MSI1: variants seen among roughly 807,000 people sequenced by gnomAD.
MSI1 encodes RNA-binding protein Musashi homolog 1.
In MSI1, 15 loss-of-function variants were observed where a neutral mutation model predicts 54.4. That is an observed-to-expected ratio of 0.28 (90% CI 0.18 to 0.42). The LOEUF (loss-of-function observed/expected upper bound fraction) is 0.42. Ranked by LOEUF, MSI1 falls within the 20% of genes least tolerant of loss-of-function variation. The pLI, the probability that MSI1 is intolerant of heterozygous loss-of-function variation, is 1.00. For synonymous variants in MSI1, 200 were observed against 196.5 expected (o/e 1.02, Z -0.15); for missense variants, 304 against 506.0 (o/e 0.60, Z 3.83).
In MSI1 at chr12:120,359,046, T is replaced by G; in HGVS notation, c.410A>C (p.Asp137Ala). ...QYFEQFGKVD[D>A]AMLMFDKTTN... Reference sequence around the variant, plus strand: ...GGTTTTGTCAAACATCAGCATGGCGTCGTCCACCTGAAACACAGCCCGCCA... The same window carrying G: ...GGTTTTGTCAAACATCAGCATGGCGGCGTCCACCTGAAACACAGCCCGCCA... The change falls in exon 7 of 15, where the codon GAC becomes GCC. Residue 137 changes from aspartate (D) to alanine (A), a missense_variant. Asp to Ala is a moderately radical substitution (Grantham distance 126). Transcript: ENST00000257552. 6.4e-7 allele frequency: 1 copy of G among 1,557,356 alleles called. No homozygotes were observed. The highest frequency in any genetic ancestry group is 8.7e-7 in the Non-Finnish European group (1 of 1,150,148).
chr12:120,361,650 CG>C (rs1875653940), intron 6 of MSI1: 1 of 151,250 alleles, frequency 6.6e-6, no homozygotes, highest in Non-Finnish European at 1.5e-5. Context: ...CCAAGTTCGG[CG>C]GCCGCTAAGC....
chr12:120,363,819 T>C (rs912224748), intron 5 of MSI1, among the ~76,000 whole-genome samples: 2 of 152,118 alleles, frequency 1.3e-5, no homozygotes, highest in South Asian at 4.2e-4. Flanking sequence ...CTCCCAAAAC[T>C]CTTCCTCTCC....
intron 5 of MSI1, among the ~76,000 whole-genome samples, chr12:120,363,556 A>G (rs1749768770): frequency 1.4e-5 from 2 of 145,670 alleles, no homozygotes; most frequent in Admixed American, 6.8e-5. Context: ...TCCCAACACA[A>G]CCTCTGGCAG....
chr12:120,340,706 GT>G (rs562076960), downstream of MSI1, among the ~76,000 whole-genome samples: 707 of 151,590 alleles, frequency 4.7e-3, 4 homozygotes, highest in Non-Finnish European at 8.1e-3. Context: ...ATAGATGAAG[GT>G]CTCACTAAGT....
intron 14 of MSI1, among the ~76,000 whole-genome samples, chr12:120,344,959 G>A (rs186132967): frequency 1.3e-3 from 188 of 148,856 alleles, no homozygotes; most frequent in African/African-American, 4.4e-3. Context: ...AGTTTGCAGT[G>A]AGCCAAGATT....
In MSI1 at chr12:120,368,720, C is replaced by T; in HGVS notation, c.100+113G>A. ...TCCGGGCGGGGCGCGAAAGAGGGCG[C>T]GAGGGCGCCCGGGGTCAGCAGGGCG... On this transcript the variant is annotated intron_variant, in intron 2 of 14. Coordinates refer to ENST00000257552, the MANE Select transcript of MSI1 (RefSeq NM_002442.4). The surrounding 1 kb of genome is among the most constrained non-coding windows in gnomAD (Gnocchi z 6.6). 1 of 1,020,956 alleles carries T rather than the reference C, an allele frequency of 9.8e-7. No homozygotes were observed. Among genetic ancestry groups the T allele is most frequent in the Non-Finnish European group, 1.2e-6 (1 of 800,754 alleles). The allele number at this position is 1,020,956 out of a possible 1,614,324, so 63.2% of individuals were successfully genotyped here. A position where few individuals can be genotyped will look rare whatever the true frequency, so the allele number is the denominator to read the frequency against.
rs562790245 is a variant in MSI1, at chr12:120,368,325, C to A, written c.101-52G>T. 8.9e-6 allele frequency: 13 copies of A among 1,457,546 alleles called. No homozygotes were observed. The highest frequency in any genetic ancestry group is 5.2e-5 in the East Asian group (2 of 38,808). 90.3% of individuals were successfully genotyped at this position (1,457,546 alleles called of 1,614,324 possible). Reference sequence around the variant, plus strand: ...CAGCCCGGGCCCCGCGCCCTTCCCCCCCCCCCGTCCTTTGCCCCCGGTGAC... The same window carrying A: ...CAGCCCGGGCCCCGCGCCCTTCCCCACCCCCCGTCCTTTGCCCCCGGTGAC... On this transcript the variant is annotated intron_variant, in intron 2 of 14. Coordinates refer to ENST00000257552, the MANE Select transcript of MSI1 (RefSeq NM_002442.4). This position sits in a 1 kb window ranked among gnomAD's most constrained non-coding sequence, Gnocchi z 6.6.
intron 5 of MSI1, 58 bp from the exon 6 acceptor site, chr12:120,363,193 G>A: frequency 6.8e-7 from 1 of 1,477,726 alleles, no homozygotes; most frequent in African/African-American, 1.4e-5. Flanking sequence ...ACCGCCACCA[G>A]CAGGGGCTCG....
At chr12:120,360,824 C>CTTT (rs5801379) in intron 6 of MSI1, among the ~76,000 whole-genome samples, 1 of 146,140 alleles carries the variant, frequency 6.8e-6, no homozygotes, top group Non-Finnish European at 1.5e-5. Context: ...TGAAAGACAC[C>CTTT]TTTTTTTTTT....
At position 120,341,771 on chromosome 12, in the gene MSI1, T is replaced by G. The variant is rs1592915420; in HGVS notation, c.*1356A>C. 7.6e-6 allele frequency: 1 copy of G among 131,844 alleles called. No individual in the cohort carries two copies. Among genetic ancestry groups the G allele is most frequent in the African/African-American group, 3.0e-5 (1 of 33,746 alleles). 8.2% of individuals were successfully genotyped at this position (131,844 alleles called of 1,614,324 possible). A position where few individuals can be genotyped will look rare whatever the true frequency, so the allele number is the denominator to read the frequency against. The stretch of plus-strand genomic sequence containing the variant: ...ACACAGACAATTAACTCTCCAAAGG[T>G]GGGGTTTCCGGGTGGGGGCAATGCT... On this transcript the variant is annotated 3_prime_UTR_variant, in exon 15 of 15. Coordinates refer to ENST00000257552, the MANE Select transcript of MSI1 (RefSeq NM_002442.4).
chr12:120,362,679 A>G (rs79445852), intron 6 of MSI1, among the ~76,000 whole-genome samples: 1,907 of 152,320 alleles, frequency 0.013, 46 homozygotes, highest in African/African-American at 0.043. Context: ...GAAAGGTTCA[A>G]TAGCCTGTGG....
At chr12:120,355,497 A>T (rs758358349) in intron 9 of MSI1, among the ~76,000 whole-genome samples, 2 of 152,178 alleles carry the variant, frequency 1.3e-5, no homozygotes, top group African/African-American at 4.8e-5. Context: ...GAATATCCCT[A>T]ATCTTAGGAA....
downstream of MSI1, among the ~76,000 whole-genome samples, chr12:120,340,275 C>T (rs776180315): frequency 1.3e-4 from 20 of 151,776 alleles, no homozygotes; most frequent in African/African-American, 3.9e-4. Flanking sequence ...TTAGTAGAGA[C>T]GGGGTTTCAT....
chr12:120,358,693 T>A (rs1269108492), intron 7 of MSI1, among the ~76,000 whole-genome samples: 1 of 138,810 alleles, frequency 7.2e-6, no homozygotes, highest in Admixed American at 8.4e-5. Flanking sequence ...CGGCCTGGCC[T>A]AAGCTCTGGT....
At chr12:120,345,774 A>G in intron 13 of MSI1, 142 bp from the exon 14 acceptor site, 1 of 944,282 alleles carries the variant, frequency 1.1e-6, no homozygotes, top group Non-Finnish European at 1.7e-6. Flanking sequence ...AGGTCTGCCT[A>G]CCCGGATCAC....
chr12:120,346,946 C>CTT (rs879419371), intron 12 of MSI1, among the ~76,000 whole-genome samples: 13 of 146,964 alleles, frequency 8.8e-5, no homozygotes, highest in Non-Finnish European at 1.8e-4. Context: ...CCCTGTCAGT[C>CTT]TTTTTTTTTT....
downstream of MSI1, among the ~76,000 whole-genome samples, chr12:120,341,008 C>A (rs1300619233): frequency 6.6e-6 from 1 of 151,472 alleles, no homozygotes; most frequent in Non-Finnish European, 1.5e-5. Context: ...GCCTCAGCCT[C>A]CTGAGTAGCT....
At chr12:120,346,598 G>T (rs1234688017) in intron 12 of MSI1, among the ~76,000 whole-genome samples, 1 of 151,726 alleles carries the variant, frequency 6.6e-6, no homozygotes, top group South Asian at 2.1e-4. Context: ...CCTGACCCGC[G>T]TCCCTCTGCT....
chr12:120,346,311 A>T lies in MSI1; in HGVS notation c.871T>A (p.Trp291Arg). 1 of 1,553,250 alleles carries T rather than the reference A, an allele frequency of 6.4e-7. No individual in the cohort carries two copies. Among genetic ancestry groups the T allele is most frequent in the African/African-American group, 1.4e-5 (1 of 73,322 alleles). Residue 291 changes from tryptophan to arginine, a missense_variant, in exon 13 of 15, where the codon TGG (tryptophan) becomes AGG (arginine). This residue lies in a region of MSI1 where 147 missense variants were observed against 231.5 expected (regional missense o/e 0.64). Coordinates refer to ENST00000257552, the MANE Select transcript of MSI1 (RefSeq NM_002442.4). ...AVVRGTGSHPWTMAPPPGSTP... is the reference protein window; with the variant it reads ...AVVRGTGSHPRTMAPPPGSTP... Reference sequence around the variant, plus strand: ...GAACCTGGAGGGGGAGCCATCGTCCAGGGGTGAGAGCCTGGCAACCCAGAA... The same window carrying T: ...GAACCTGGAGGGGGAGCCATCGTCCTGGGGTGAGAGCCTGGCAACCCAGAA...
Sources: gnomAD v4.1 joint callset for allele counts (sites outside exome capture counted in the v4.1 genomes callset) on GRCh38, gnomAD v4.1.1 for gene constraint, gnomAD v4.1.1 regional missense constraint, Gnocchi (gnomAD v3.1) non-coding constraint, MANE v1.5 for transcripts, NCBI Gene and HGNC (gene_info 2026-07-23, HGNC 2026-07-21) for gene names.